The following SLC23A2 variants were observed in gnomAD, a reference collection of about 807,000 sequenced individuals.
The protein encoded by SLC23A2 is Na(+)/L-ascorbic acid transporter 2.
SLC23A2 carries 36 observed loss-of-function variants against 73.3 expected under a neutral mutation model. The observed-to-expected ratio is 0.49, with a 90% CI of 0.38 to 0.65. SLC23A2 has a LOEUF of 0.65. Among genes scored for constraint, SLC23A2 ranks in the 30% least tolerant of loss-of-function variants. SLC23A2 has a pLI of 0.00. For synonymous variants in SLC23A2, 343 were observed against 327.3 expected, an observed-to-expected ratio of 1.05 and a Z score of -0.52; for missense variants, 507 against 841.6, an observed-to-expected ratio of 0.60 and a Z score of 4.92.
intron 1 of SLC23A2, among the ~76,000 whole-genome samples, chr20:4,988,215 T>A (rs1022494481): frequency 1.6e-4 from 24 of 151,630 alleles, no homozygotes; most frequent in African/African-American, 4.1e-4. Context: ...GGCAGGAGAA[T>A]TGCTTGAACC....
intron 1 of SLC23A2, among the ~76,000 whole-genome samples, chr20:4,990,149 A>C (rs889003307): frequency 6.6e-6 from 1 of 152,222 alleles, no homozygotes; most frequent in Non-Finnish European, 1.5e-5. Flanking sequence ...AAAAAGTGTG[A>C]GCAAGAAATA....
intron 1 of SLC23A2, among the ~76,000 whole-genome samples, chr20:4,976,521 C>G (rs1266678332): frequency 6.6e-6 from 1 of 151,700 alleles, no homozygotes; most frequent in Non-Finnish European, 1.5e-5. Context: ...ACTAAAAATA[C>G]AAAAATTAGC....
intron 13 of SLC23A2, among the ~76,000 whole-genome samples, chr20:4,865,008 T>C (rs1179441568): frequency 6.6e-6 from 1 of 152,230 alleles, no homozygotes; most frequent in African/African-American, 2.4e-5. Context: ...TCAATGAATA[T>C]TGACCAAGTA....
chr20:4,900,562 T>G (rs1355234506), intron 5 of SLC23A2, among the ~76,000 whole-genome samples: 1 of 152,248 alleles, frequency 6.6e-6, no homozygotes, highest in South Asian at 2.1e-4. Flanking sequence ...TGTCTGGGGA[T>G]TAAAGTTACA....
chr20:4,910,739 C>T (rs762995338), intron 4 of SLC23A2, among the ~76,000 whole-genome samples: 3 of 152,182 alleles, frequency 2.0e-5, no homozygotes, highest in Non-Finnish European at 4.4e-5. Flanking sequence ...CCCAGCCCAA[C>T]TAGCACTATT....
chr20:4,881,832 G>C (rs1471980653), intron 9 of SLC23A2, among the ~76,000 whole-genome samples: 1 of 151,992 alleles, frequency 6.6e-6, no homozygotes, highest in African/African-American at 2.4e-5. Context: ...TAAACTATCA[G>C]TAATTAATTG....
intron 1 of SLC23A2, among the ~76,000 whole-genome samples, chr20:4,979,967 C>A (rs1004567150): frequency 1.4e-5 from 2 of 148,004 alleles, no homozygotes; most frequent in African/African-American, 2.4e-5. Flanking sequence ...AGATACAAGA[C>A]TGGAAAAACT....
chr20:4,972,954 T>A (rs2087587929), intron 1 of SLC23A2, among the ~76,000 whole-genome samples: 1 of 152,152 alleles, frequency 6.6e-6, no homozygotes, highest in South Asian at 2.1e-4. Flanking sequence ...CAATGTCTAG[T>A]CAAGAGGAAT....
intron 2 of SLC23A2, among the ~76,000 whole-genome samples, chr20:4,967,420 C>T (rs1045759919): frequency 3.3e-5 from 5 of 152,124 alleles, no homozygotes; most frequent in South Asian, 2.1e-4. Context: ...TTCTAATTTG[C>T]TTGGAATCTC....
intron 1 of SLC23A2, among the ~76,000 whole-genome samples, chr20:4,985,842 G>C (rs1407097052): frequency 2.6e-5 from 4 of 152,162 alleles, no homozygotes; most frequent in Admixed American, 6.6e-5. Context: ...TGGGTGAAAA[G>C]GGGAGAAGGG....
intron 6 of SLC23A2, among the ~76,000 whole-genome samples, chr20:4,891,252 G>T (rs1931321054): frequency 2.0e-5 from 3 of 152,174 alleles, no homozygotes; most frequent in Admixed American, 2.0e-4. Flanking sequence ...GACAGTTGAA[G>T]AAGAAAGGTT....
At chr20:5,006,350 G>A (rs754644338), upstream of SLC23A2, among the ~76,000 whole-genome samples, 3 of 151,616 alleles carry the variant, frequency 2.0e-5, no homozygotes, top group South Asian at 2.1e-4. Flanking sequence ...ATCTGCCTCC[G>A]CCTCCCAAAG....
At chr20:4,965,994 G>GT (rs1315451633) in intron 2 of SLC23A2, among the ~76,000 whole-genome samples, 72 of 149,014 alleles carry the variant, frequency 4.8e-4, no homozygotes, top group African/African-American at 1.7e-3. Flanking sequence ...GGGAAGATCA[G>GT]GAGATCAAGG....
Position 4,943,237 on chromosome 20 carries a change from T to C in SLC23A2, c.-154-10521A>G, listed in dbSNP as rs540471604. Among the ~76,000 whole-genome samples, 9 of 152,018 alleles carry C rather than the reference T, an allele frequency of 5.9e-5. No individual in the cohort carries two copies. The South Asian group carries it at 1.2e-3, about 21-fold the overall frequency. On this transcript the variant is annotated intron_variant, in intron 2 of 16. Coordinates refer to ENST00000338244, the MANE Select transcript of SLC23A2 (RefSeq NM_005116.6). Reference sequence around the variant, plus strand: ...CACTGAATAAATACTATATCAGAAATATAAATCCATGGCAAATCCATCATT... The same window carrying C: ...CACTGAATAAATACTATATCAGAAACATAAATCCATGGCAAATCCATCATT...
intron 4 of SLC23A2, among the ~76,000 whole-genome samples, chr20:4,906,502 C>T (rs1410653764): frequency 2.6e-5 from 4 of 152,124 alleles, no homozygotes; most frequent in Admixed American, 1.3e-4. Context: ...CACCTGTAGT[C>T]CCAGCTACTT....
chr20:4,952,838 C>G (rs2087223527), intron 2 of SLC23A2, among the ~76,000 whole-genome samples: 1 of 151,992 alleles, frequency 6.6e-6, no homozygotes, highest in Non-Finnish European at 1.5e-5. Context: ...GCCTGATCAA[C>G]ATGGTGAAAC....
intron 9 of SLC23A2, among the ~76,000 whole-genome samples, chr20:4,881,357 T>A (rs767587795): frequency 6.6e-6 from 1 of 152,092 alleles, no homozygotes; most frequent in Admixed American, 6.5e-5. Flanking sequence ...GGGAAGTGCA[T>A]GGAGAGAAGG....
chr20:4,953,109 C>T (rs2087228889), intron 2 of SLC23A2, among the ~76,000 whole-genome samples: 2 of 151,862 alleles, frequency 1.3e-5, no homozygotes, highest in South Asian at 4.2e-4. Context: ...AAATCCAGAC[C>T]ACCCTGTCCA....
intron 2 of SLC23A2, among the ~76,000 whole-genome samples, chr20:4,933,982 G>T (rs1055989555): frequency 6.6e-6 from 1 of 152,124 alleles, no homozygotes; most frequent in African/African-American, 2.4e-5. Flanking sequence ...AAAACAAAAT[G>T]TAAAGAAATA....
Sources: gnomAD v4.1 joint callset for allele counts (sites outside exome capture counted in the v4.1 genomes callset) on GRCh38, gnomAD v4.1.1 for gene constraint, MANE v1.5 for transcripts, NCBI Gene and HGNC (gene_info 2026-07-23, HGNC 2026-07-21) for gene names.